Variants in ZNF367 observed in about 807,000 individuals in gnomAD.
ZNF367 encodes zinc finger protein 367, also known as C2H2 zinc finger protein ZFF29.
ZNF367 carries 11 observed loss-of-function variants against 31.8 expected under a neutral mutation model. The observed-to-expected ratio is 0.35, with a 90% confidence interval of 0.22 to 0.57. The LOEUF (loss-of-function observed/expected upper bound fraction) is 0.57. ZNF367 is among the 20% of genes least tolerant of loss of function. ZNF367 has a pLI of 0.85. For missense variants in ZNF367, 353 were observed against 484.1 expected (o/e 0.73, Z 2.54); for synonymous variants, 199 against 202.4 (o/e 0.98, Z 0.14).
Position 96,394,853 on chromosome 9 carries a change from C to A in ZNF367, c.661G>T (p.Gly221Ter), listed in dbSNP as rs1564140384. ...QLKTHQRLHTGEKPFVCSENG... is the reference protein window; with the variant it reads ...QLKTHQRLHT Reference sequence around the variant, plus strand: ...TCTGAACAAACAAAAGGTTTCTCTCCGGTGTGAAGACGCTGATGTGTTTTG... The same window carrying A: ...TCTGAACAAACAAAAGGTTTCTCTCAGGTGTGAAGACGCTGATGTGTTTTG... The change falls in exon 3 of 5, where the codon GGA becomes TGA. Residue 221 changes from glycine (G) to a stop codon, truncating the protein, a stop_gained. Transcript: ENST00000375256. LOFTEE classifies it high-confidence loss of function. 6.2e-7 allele frequency: 1 copy of A among 1,614,008 alleles called. No homozygotes were observed.
At chr9:96,394,744 C>A in intron 3 of ZNF367, 79 bp downstream of exon 3, 1 of 1,373,618 alleles carries the variant, frequency 7.3e-7, no homozygotes, top group Non-Finnish European at 9.8e-7. Flanking sequence ...TCTTTCCCCT[C>A]AAAAAAATTC....
At chr9:96,415,964 G>A (rs765640306) in intron 1 of ZNF367, among the ~76,000 whole-genome samples, 1 of 150,996 alleles carries the variant, frequency 6.6e-6, no homozygotes, top group Non-Finnish European at 1.5e-5. Flanking sequence ...CGCCAGATGC[G>A]GTCTATGTTG....
rs1037204213 is a variant in ZNF367 at position 96,388,170 on chromosome 9, G to C, written c.*67C>G. The stretch of plus-strand genomic sequence containing the variant: ...TAAGCAAATAAGGTGCTTAGCTTAT[G>C]CCCAAGGATCTACTTTTTAAGTATG... On this transcript the variant is annotated 3_prime_UTR_variant, in exon 5 of 5. Coordinates refer to ENST00000375256, the MANE Select transcript of ZNF367 (RefSeq NM_153695.4). 8 of 1,468,428 alleles carry C rather than the reference G, an allele frequency of 5.4e-6. No homozygotes were observed. In the Admixed American group the frequency reaches 1.8e-4, roughly 33 times the overall value. The allele number at this position is 1,468,428 out of a possible 1,614,324, so 91.0% of individuals were successfully genotyped here. A position where few individuals can be genotyped will look rare whatever the true frequency, so the allele number is the denominator to read the frequency against.
At chr9:96,400,599 T>C (rs1376920301) in intron 1 of ZNF367, among the ~76,000 whole-genome samples, 1 of 150,092 alleles carries the variant, frequency 6.7e-6, no homozygotes, top group Non-Finnish European at 1.5e-5. Context: ...TTTGAACTGA[T>C]AGAACAATCA....
chr9:96,388,017 C>T lies in ZNF367; in HGVS notation c.*220G>A. On this transcript the variant is annotated 3_prime_UTR_variant, in exon 5 of 5. Coordinates refer to ENST00000375256, the MANE Select transcript of ZNF367 (RefSeq NM_153695.4). ...GTTTTCTACCCTGTACTGTGCAGTC[C>T]ATATTTACAAAATATTTTAAACTTT... The T allele has an allele frequency of 1.8e-6, 1 of 561,202 alleles. No individual in the cohort carries two copies. The highest frequency in any genetic ancestry group is 3.1e-6 in the Non-Finnish European group (1 of 325,090). The allele number at this position is 561,202 out of a possible 1,614,324, so 34.8% of individuals were successfully genotyped here. A position where few individuals can be genotyped will look rare whatever the true frequency, so the allele number is the denominator to read the frequency against.
intron 1 of ZNF367, among the ~76,000 whole-genome samples, chr9:96,413,344 T>C (rs777826333): frequency 5.4e-4 from 82 of 152,308 alleles, no homozygotes; most frequent in Non-Finnish European, 8.8e-4. Flanking sequence ...TGATGTTAGG[T>C]TTAACATGGT....
intron 1 of ZNF367, among the ~76,000 whole-genome samples, chr9:96,413,603 G>C (rs1275744250): frequency 6.6e-6 from 1 of 152,078 alleles, no homozygotes; most frequent in Non-Finnish European, 1.5e-5. Context: ...GGACAAGGTG[G>C]GGAGCCTTGG....
chr9:96,395,753 T>G (rs2131072961), intron 2 of ZNF367, among the ~76,000 whole-genome samples: 1 of 152,326 alleles, frequency 6.6e-6, no homozygotes, highest in South Asian at 2.1e-4. Flanking sequence ...GGGTCCTGTG[T>G]TGTTTATGTG....
At chr9:96,412,934 G>T (rs1437463308) in intron 1 of ZNF367, among the ~76,000 whole-genome samples, 3 of 152,094 alleles carry the variant, frequency 2.0e-5, no homozygotes, top group African/African-American at 4.8e-5. Flanking sequence ...CTGGCCTCAA[G>T]TGATCCATCC....
intron 2 of ZNF367, among the ~76,000 whole-genome samples, chr9:96,395,863 G>A (rs554379010): frequency 6.6e-6 from 1 of 151,728 alleles, no homozygotes; most frequent in South Asian, 2.1e-4. Context: ...ATTTGTTAAT[G>A]ATAATTAAAC....
At chr9:96,406,482 T>A (rs1240360261) in intron 1 of ZNF367, among the ~76,000 whole-genome samples, 1 of 152,224 alleles carries the variant, frequency 6.6e-6, no homozygotes, top group Non-Finnish European at 1.5e-5. Context: ...CTGATTTCAG[T>A]CTTATACCAT....
At chr9:96,407,634 A>T (rs1587747599) in intron 1 of ZNF367, 1 of 1,448,356 alleles carries the variant, frequency 6.9e-7, no homozygotes, top group Admixed American at 1.7e-5. Context: ...AGGCGGGAAA[A>T]TGGGAAGTCC....
At position 96,418,283 on chromosome 9, in the gene ZNF367, G is replaced by T. The variant is rs1208093715; in HGVS notation, c.-251C>A. 1 of 464,180 alleles carries T rather than the reference G, an allele frequency of 2.2e-6. No homozygotes were observed. The highest frequency in any genetic ancestry group is 3.5e-6 in the Non-Finnish European group (1 of 288,180). 28.8% of individuals were successfully genotyped at this position (464,180 alleles called of 1,614,324 possible). A position where few individuals can be genotyped will look rare whatever the true frequency, so the allele number is the denominator to read the frequency against. Reference sequence around the variant, plus strand: ...TCCGCAGCGCAGGCTGCAGGGGTGGGAAGCAGCGGGCGGCCCGGCCCTTGC... The same window carrying T: ...TCCGCAGCGCAGGCTGCAGGGGTGGTAAGCAGCGGGCGGCCCGGCCCTTGC... On this transcript the variant is annotated 5_prime_UTR_variant, in exon 1 of 5. Coordinates refer to ENST00000375256, the MANE Select transcript of ZNF367 (RefSeq NM_153695.4).
At chr9:96,407,110 G>A (rs1443879226) in intron 1 of ZNF367, among the ~76,000 whole-genome samples, 1 of 151,550 alleles carries the variant, frequency 6.6e-6, no homozygotes, top group East Asian at 1.9e-4. Context: ...GCTTGAGGCC[G>A]GAAGTTAGAG....
At chr9:96,409,224 C>T (rs902490359) in intron 1 of ZNF367, among the ~76,000 whole-genome samples, 1 of 152,188 alleles carries the variant, frequency 6.6e-6, no homozygotes, top group South Asian at 2.1e-4. Context: ...AGAACTACAA[C>T]CCAAATAAAC....
intron 1 of ZNF367, among the ~76,000 whole-genome samples, chr9:96,415,478 C>CTTTTTTTTTTT (rs1564146059): frequency 3.1e-5 from 2 of 65,520 alleles, no homozygotes; most frequent in Admixed American, 2.1e-4. Context: ...TTAGTTTCTT[C>CTTTTTTTTTTT]ATTTTTTTTT....
intron 1 of ZNF367, among the ~76,000 whole-genome samples, chr9:96,415,218 C>G (rs1264594149): frequency 7.0e-6 from 1 of 142,342 alleles, no homozygotes; most frequent in Admixed American, 7.4e-5. Flanking sequence ...CCACCCCTGG[C>G]CAATTTTTTT....
chr9:96,414,541 G>T (rs1001287351), intron 1 of ZNF367, among the ~76,000 whole-genome samples: 2 of 151,962 alleles, frequency 1.3e-5, no homozygotes, highest in African/African-American at 2.4e-5. Flanking sequence ...GCAGTTGCAC[G>T]ATCTCGGCTC....
chr9:96,399,543 C>T (rs551071848), intron 1 of ZNF367, among the ~76,000 whole-genome samples: 4 of 152,204 alleles, frequency 2.6e-5, no homozygotes, highest in African/African-American at 7.2e-5. Context: ...AAGTGTCGGG[C>T]GTGGTAGCTT....
Sources: allele counts gnomAD v4.1 joint callset (sites outside exome capture counted in the v4.1 genomes callset), GRCh38; gene constraint gnomAD v4.1.1; transcripts MANE v1.5; gene names NCBI Gene and HGNC (gene_info 2026-07-23, HGNC 2026-07-21).